Variants in FERRY3 observed in about 807,000 individuals in gnomAD.
The protein encoded by FERRY3 is protein C12orf4.
chr12:4,517,804 C>T, the FERRY3 span, among the ~76,000 whole-genome samples: 3 of 151,076 alleles, frequency 2.0e-5, no homozygotes, highest in Non-Finnish European at 3.0e-5. Flanking sequence ...TGTGATTGCT[C>T]TTTTTGTTTT....
chr12:4,490,403 CAG>C, the FERRY3 span: 4 of 699,786 alleles, frequency 5.7e-6, no homozygotes, highest in Non-Finnish European at 4.5e-6. Context: ...CCTTAAAAAA[CAG>C]AAAGCGATTA....
chr12:4,512,478 GC>G, the FERRY3 span, among the ~76,000 whole-genome samples: 1 of 152,240 alleles, frequency 6.6e-6, no homozygotes, highest in Non-Finnish European at 1.5e-5. Flanking sequence ...GAACATTGAT[GC>G]AAAAATCCTC....
At chr12:4,514,813 T>C in the FERRY3 span, among the ~76,000 whole-genome samples, 2 of 151,228 alleles carry the variant, frequency 1.3e-5, no homozygotes, top group African/African-American at 4.9e-5. Flanking sequence ...GGGTGCAGCG[T>C]GCCAGCATGG....
chr12:4,513,230 G>C, the FERRY3 span, among the ~76,000 whole-genome samples: 50 of 120,190 alleles, frequency 4.2e-4, no homozygotes, highest in African/African-American at 1.4e-3. Flanking sequence ...CACTGCTCAA[G>C]GAAATAAAAG....
the FERRY3 span, among the ~76,000 whole-genome samples, chr12:4,523,010 G>A: frequency 3.9e-5 from 6 of 152,250 alleles, 1 homozygote; most frequent in South Asian, 1.2e-3. Context: ...TTTTGATTGT[G>A]GTGATGATTT....
At chr12:4,498,693 G>A in the FERRY3 span, among the ~76,000 whole-genome samples, 741 of 152,284 alleles carry the variant, frequency 4.9e-3, 11 homozygotes, top group African/African-American at 0.017. Flanking sequence ...TTGGCACCAG[G>A]AACCAGTTTC....
chr12:4,529,317 A>G, the FERRY3 span, among the ~76,000 whole-genome samples: 1 of 152,178 alleles, frequency 6.6e-6, no homozygotes, highest in Admixed American at 6.5e-5. Flanking sequence ...ATTTTTTTCT[A>G]AGGTACTTGA....
the FERRY3 span, among the ~76,000 whole-genome samples, chr12:4,490,241 C>G: frequency 5.9e-5 from 9 of 152,160 alleles, no homozygotes; most frequent in South Asian, 6.2e-4. Context: ...ATTTAAGAAC[C>G]CTTTATAATC....
the FERRY3 span, among the ~76,000 whole-genome samples, chr12:4,506,349 A>T: frequency 6.6e-6 from 1 of 152,344 alleles, no homozygotes; most frequent in South Asian, 2.1e-4. Flanking sequence ...TTTAAAAGAG[A>T]TCTGAATAAA....
chr12:4,506,132 G>A, the FERRY3 span, among the ~76,000 whole-genome samples: 1 of 151,940 alleles, frequency 6.6e-6, no homozygotes, highest in Non-Finnish European at 1.5e-5. Context: ...TTTAATAAAA[G>A]AGACATCTAA....
the FERRY3 span, chr12:4,525,490 G>A: frequency 6.2e-7 from 1 of 1,610,626 alleles, no homozygotes; most frequent in African/African-American, 1.3e-5. Context: ...TTACTTGCTG[G>A]GATTCAAAAT....
the FERRY3 span, chr12:4,525,085 C>A: frequency 2.2e-5 from 17 of 762,160 alleles, no homozygotes; most frequent in Non-Finnish European, 3.4e-5. Context: ...CCCAAATAAT[C>A]CACATAAAGC....
chr12:4,518,270 T>C, the FERRY3 span: 41 of 1,611,336 alleles, frequency 2.5e-5, no homozygotes, highest in South Asian at 3.3e-5. Context: ...GGGTAGGCAA[T>C]AGTCCAGGAA....
chr12:4,495,590 G>A, the FERRY3 span, among the ~76,000 whole-genome samples: 1 of 152,140 alleles, frequency 6.6e-6, no homozygotes, highest in Admixed American at 6.6e-5. Flanking sequence ...TTATTCCAAT[G>A]CATTAAAATT....
the FERRY3 span, among the ~76,000 whole-genome samples, chr12:4,513,480 C>T: frequency 6.7e-6 from 1 of 149,632 alleles, no homozygotes; most frequent in Non-Finnish European, 1.5e-5. Context: ...ATCACACTAC[C>T]TGACTTCAAA....
At chr12:4,521,519 CA>C in the FERRY3 span, among the ~76,000 whole-genome samples, 29 of 152,182 alleles carry the variant, frequency 1.9e-4, no homozygotes, top group South Asian at 1.0e-3. Context: ...AAACTATAAC[CA>C]ACATGTTAAA....
At chr12:4,525,046 T>C in the FERRY3 span, 1 of 508,480 alleles carries the variant, frequency 2.0e-6, no homozygotes, top group Admixed American at 3.7e-5. Flanking sequence ...ACTAAAGTTC[T>C]ATTTCAAACT....
At chr12:4,534,170 T>C in the FERRY3 span, 199 of 1,605,172 alleles carry the variant, frequency 1.2e-4, no homozygotes, top group African/African-American at 2.5e-3. Flanking sequence ...AGCATAAGCT[T>C]TGGCCCATGT....
At chr12:4,490,420 T>G in the FERRY3 span, 3 of 841,822 alleles carry the variant, frequency 3.6e-6, no homozygotes, top group Non-Finnish European at 5.4e-6. Flanking sequence ...CGATTAGCCT[T>G]TTGTGTTGTT....
Sources: allele counts gnomAD v4.1 joint callset (sites outside exome capture counted in the v4.1 genomes callset), GRCh38; gene constraint gnomAD v4.1.1; transcripts MANE v1.5; gene names NCBI Gene and HGNC (gene_info 2026-07-23, HGNC 2026-07-21).